PDPR: variants seen among roughly 807,000 people sequenced by gnomAD.
The protein encoded by PDPR is pyruvate dehydrogenase phosphatase regulatory subunit, mitochondrial.
In PDPR, 50 loss-of-function variants were observed where a neutral mutation model predicts 102.2. The observed-to-expected ratio is 0.49, with a 90% CI of 0.39 to 0.62. The LOEUF (loss-of-function observed/expected upper bound fraction) is 0.62, where lower values mean the gene tolerates loss of function less well. Among genes scored for constraint, PDPR ranks in the 20% least tolerant of loss-of-function variants. The pLI, the probability that PDPR is intolerant of heterozygous loss-of-function variation, is 0.00. For synonymous variants in PDPR, 259 were observed against 406.0 expected (o/e 0.64, Z 4.35); for missense variants, 625 against 1,098.2 (o/e 0.57, Z 6.09).
At chr16:70,117,874 C>T (rs1481908891) in intron 2 of PDPR, among the ~76,000 whole-genome samples, 1 of 152,050 alleles carries the variant, frequency 6.6e-6, no homozygotes. Flanking sequence ...CAGTGGATCA[C>T]CTGAGGTCAG....
At chr16:70,131,030 C>T (rs1188230428) in intron 7 of PDPR, among the ~76,000 whole-genome samples, 52 of 152,100 alleles carry the variant, frequency 3.4e-4, no homozygotes, top group Non-Finnish European at 1.6e-4. Flanking sequence ...TGAGCCCAGG[C>T]GTTTTATCAA....
Position 70,158,102 on chromosome 16 carries a change from CT to C in PDPR, c.*1226del, listed in dbSNP as rs997317357. The C allele has an allele frequency of 6.5e-5, 10 of 153,062 alleles. No homozygotes were observed. Among genetic ancestry groups the C allele is most frequent in the Non-Finnish European group, 1.2e-4 (8 of 68,646 alleles). 9.5% of individuals were successfully genotyped at this position (153,062 alleles called of 1,614,324 possible). Reference sequence around the variant, plus strand: ...GCTTTTCCTCCTTTCCCCCCAGGCTCTTTGTTTCCCTCCACCCACCCTTCCA... The same window carrying C: ...GCTTTTCCTCCTTTCCCCCCAGGCTCTTGTTTCCCTCCACCCACCCTTCCA... On this transcript the variant is annotated 3_prime_UTR_variant, in exon 19 of 19. Coordinates refer to ENST00000288050, the MANE Select transcript of PDPR (RefSeq NM_017990.5).
At chr16:70,130,298 T>C (rs1217452118) in intron 6 of PDPR, 125 bp from the exon 7 acceptor site, 24 of 1,170,534 alleles carry the variant, frequency 2.1e-5, no homozygotes, top group Non-Finnish European at 2.7e-5. Flanking sequence ...AAAAATAAAA[T>C]AAAAAAATAA....
intron 10 of PDPR, among the ~76,000 whole-genome samples, chr16:70,137,893 C>G (rs1567542642): frequency 1.3e-5 from 2 of 152,264 alleles, no homozygotes; most frequent in African/African-American, 4.8e-5. Flanking sequence ...TTTTTTGAAA[C>G]AAGATCTTAC....
chr16:70,126,165 A>AT (rs1332441592), intron 3 of PDPR, among the ~76,000 whole-genome samples: 2 of 152,192 alleles, frequency 1.3e-5, no homozygotes, highest in Non-Finnish European at 1.5e-5. Flanking sequence ...AGACCTTTTC[A>AT]TTCTTTTTTA....
At chr16:70,123,340 G>A (rs1389936844) in intron 3 of PDPR, among the ~76,000 whole-genome samples, 1 of 152,244 alleles carries the variant, frequency 6.6e-6, no homozygotes, top group Non-Finnish European at 1.5e-5. Context: ...GGGCTCAAGT[G>A]ATCCTCCCAC....
intron 9 of PDPR, among the ~76,000 whole-genome samples, chr16:70,135,525 C>T (rs1157207963): frequency 6.6e-6 from 1 of 152,402 alleles, no homozygotes; most frequent in African/African-American, 2.4e-5. Context: ...ATGCAAGCCA[C>T]CATGCCCAGC....
intron 13 of PDPR, among the ~76,000 whole-genome samples, chr16:70,143,117 A>G (rs1965897498): frequency 6.6e-6 from 1 of 152,178 alleles, no homozygotes; most frequent in African/African-American, 2.4e-5. Context: ...TGAACTCATG[A>G]GGTGGAGGTT....
At chr16:70,123,220 G>C (rs1436943987) in intron 3 of PDPR, among the ~76,000 whole-genome samples, 1 of 152,308 alleles carries the variant, frequency 6.6e-6, no homozygotes. Context: ...ATACTTTTAA[G>C]AGCAAAAGTG....
intron 7 of PDPR, 34 bp downstream of exon 7, chr16:70,130,578 A>C (rs758756163): frequency 1.2e-6 from 2 of 1,612,052 alleles, no homozygotes; most frequent in South Asian, 2.2e-5. Context: ...TTCTTATTTA[A>C]CGTTTGTCTC....
rs1967390734 is a variant in PDPR, at chr16:70,157,869, T to C, written c.*990T>C. 2 of 154,370 alleles carry C rather than the reference T, an allele frequency of 1.3e-5. No individual in the cohort carries two copies. The highest frequency in any genetic ancestry group is 2.9e-5 in the Non-Finnish European group (2 of 69,356). The allele number at this position is 154,370 out of a possible 1,614,324, so 9.6% of individuals were successfully genotyped here. A position where few individuals can be genotyped will look rare whatever the true frequency, so the allele number is the denominator to read the frequency against. ...CTTTCACAGTTGGCCCATAAAGTCA[T>C]GTTTCTCTCCCTTTAGAATAGGGAG... On this transcript the variant is annotated 3_prime_UTR_variant, in exon 19 of 19. Coordinates refer to ENST00000288050, the MANE Select transcript of PDPR (RefSeq NM_017990.5).
chr16:70,154,217 ACT>A (rs1360903355), intron 18 of PDPR, among the ~76,000 whole-genome samples: 12 of 152,070 alleles, frequency 7.9e-5, no homozygotes, highest in African/African-American at 2.2e-4. Context: ...AGTTCCAGCT[ACT>A]CGGGAGGCTG....
rs200386962 is a variant in PDPR, at chr16:70,156,550, A to T, written c.2311A>T (p.Ile771Phe). 54 of 1,614,050 alleles carry T rather than the reference A, an allele frequency of 3.3e-5. No homozygotes were observed. The African/African-American group carries it at 6.9e-4, about 21-fold the overall frequency. ...AGTGTATAAACGCCTCACCATGTTC[A>T]TCCTGGACGACCATGATTCAGACCT... Reference protein sequence around the residue: ...NGVYKRLTMFILDDHDSDLDL... With the variant: ...NGVYKRLTMFFLDDHDSDLDL... Residue 771 changes from isoleucine (I) to phenylalanine (F), a missense_variant, in exon 19 of 19, where the codon ATC becomes TTC. This residue lies in a region of PDPR where 303 missense variants were observed against 258.9 expected (regional missense o/e 1.17). Coordinates refer to ENST00000288050, the MANE Select transcript of PDPR (RefSeq NM_017990.5).
rs1219147920 is a variant in PDPR, at chr16:70,138,953, G to A, written c.1245G>A (p.Leu415=). The A allele has an allele frequency of 6.2e-7, 1 of 1,613,022 alleles. No individual in the cohort carries two copies. Among genetic ancestry groups the A allele is most frequent in the Non-Finnish European group, 8.5e-7 (1 of 1,179,480 alleles). ...ATCCCTCAGAAAACGTTTGGGAATT[G>A]GACCTGAAACGTTTTGGAGCCCTCC... is the stretch of plus-strand genomic sequence containing the variant. The part of the protein sequence containing the change: ...HGYPSENVWE[L]DLKRFGALQS... The change falls in exon 11 of 19, where the codon TTG becomes TTA. Residue 415 remains leucine, a synonymous_variant. Transcript: ENST00000288050.
At chr16:70,117,497 G>A (rs1207056211) in intron 2 of PDPR, among the ~76,000 whole-genome samples, 3 of 151,776 alleles carry the variant, frequency 2.0e-5, no homozygotes, top group East Asian at 1.9e-4. Context: ...CAGCCTGGGC[G>A]ACAGAGCGAG....
intron 18 of PDPR, 116 bp downstream of exon 18, chr16:70,153,689 G>GTTA: frequency 3.5e-6 from 4 of 1,129,072 alleles, no homozygotes; most frequent in Non-Finnish European, 4.9e-6. Flanking sequence ...AGGCCTTGAT[G>GTTA]TTAGCATCAG....
chr16:70,161,904 CAG>C lies in PDPR; in HGVS notation c.*5027_*5028del, dbSNP rs534259100. 140 of 152,408 alleles carry C rather than the reference CAG, an allele frequency of 9.2e-4. No individual in the cohort carries two copies. The highest frequency in any genetic ancestry group is 3.1e-3 in the African/African-American group (129 of 41,524). The allele number at this position is 152,408 out of a possible 1,614,324, so 9.4% of individuals were successfully genotyped here. A position where few individuals can be genotyped will look rare whatever the true frequency, so the allele number is the denominator to read the frequency against. Reference sequence around the variant, plus strand: ...TTCTTATTTTCCTGTCTGTCAAAGACAGAAATTACAGGAGATAGGGAGGGTTT... The same window carrying C: ...TTCTTATTTTCCTGTCTGTCAAAGACAAATTACAGGAGATAGGGAGGGTTT... On this transcript the variant is annotated 3_prime_UTR_variant, in exon 19 of 19. Coordinates refer to ENST00000288050, the MANE Select transcript of PDPR (RefSeq NM_017990.5).
At chr16:70,126,869 T>G (rs1387046066) in intron 3 of PDPR, among the ~76,000 whole-genome samples, 1 of 152,102 alleles carries the variant, frequency 6.6e-6, no homozygotes, top group Non-Finnish European at 1.5e-5. Flanking sequence ...CATTGAACAT[T>G]TTTCTCACCC....
At chr16:70,134,668 G>T (rs1339748408) in intron 9 of PDPR, among the ~76,000 whole-genome samples, 3 of 151,556 alleles carry the variant, frequency 2.0e-5, no homozygotes, top group African/African-American at 7.3e-5. Flanking sequence ...CACCTGTAAC[G>T]CCAGCTACGT....
Sources: allele counts gnomAD v4.1 joint callset (sites outside exome capture counted in the v4.1 genomes callset), GRCh38; gene constraint gnomAD v4.1.1; regional missense constraint gnomAD v4.1.1; transcripts MANE v1.5; gene names NCBI Gene and HGNC (gene_info 2026-07-23, HGNC 2026-07-21).